GARIN4: variants seen among roughly 807,000 people sequenced by gnomAD.
GARIN4 encodes golgi associated RAB2 interactor family member 4.
At chr1:212,626,202 C>G in the GARIN4 span, 1 of 1,614,038 alleles carries the variant, frequency 6.2e-7, no homozygotes, top group Non-Finnish European at 8.5e-7. Flanking sequence ...CGCCGCAGGA[C>G]AGGTGAAAGC....
At chr1:212,625,956 T>C in the GARIN4 span, 1 of 1,614,198 alleles carries the variant, frequency 6.2e-7, no homozygotes, top group Non-Finnish European at 8.5e-7. Flanking sequence ...AGCGCATCCA[T>C]GAGCCTTTCC....
the GARIN4 span, chr1:212,624,582 G>A: frequency 3.4e-6 from 1 of 290,060 alleles, no homozygotes; most frequent in Non-Finnish European, 6.4e-6. Flanking sequence ...CAGGGGGTTA[G>A]GTCCAGAAGA....
the GARIN4 span, chr1:212,624,667 C>A: frequency 1.5e-5 from 12 of 825,782 alleles, no homozygotes; most frequent in South Asian, 1.6e-4. Flanking sequence ...CAGCACCCCC[C>A]ACAGCAATCA....
chr1:212,624,926 A>G, the GARIN4 span: 1 of 1,613,198 alleles, frequency 6.2e-7, no homozygotes, highest in African/African-American at 1.3e-5. Flanking sequence ...GAGTGGCTCC[A>G]GCATGAGCAT....
At chr1:212,625,157 G>A in the GARIN4 span, 33 of 1,614,106 alleles carry the variant, frequency 2.0e-5, no homozygotes, top group Admixed American at 8.3e-5. Flanking sequence ...ACCGGCCACC[G>A]GCTGCGAAGA....
chr1:212,626,563 C>G, the GARIN4 span: 4 of 1,614,118 alleles, frequency 2.5e-6, no homozygotes, highest in East Asian at 8.9e-5. Flanking sequence ...GGAGCACCAA[C>G]GTGGCCATCG....
the GARIN4 span, chr1:212,625,068 A>G: frequency 1.2e-5 from 19 of 1,613,988 alleles, no homozygotes; most frequent in Non-Finnish European, 1.5e-5. Context: ...GATGTGCACA[A>G]CCGTGTCCGT....
the GARIN4 span, chr1:212,625,356 G>C: frequency 6.2e-7 from 1 of 1,614,216 alleles, no homozygotes. Flanking sequence ...CTTGACACAC[G>C]GGATGACCTC....
chr1:212,625,935 A>G, the GARIN4 span: 1 of 1,614,224 alleles, frequency 6.2e-7, no homozygotes. Context: ...AAGTCCTCAG[A>G]GCATGTTTCC....
chr1:212,625,580 TCTG>T, the GARIN4 span: 12 of 1,614,080 alleles, frequency 7.4e-6, no homozygotes, highest in Non-Finnish European at 1.0e-5. Context: ...TGGGGCCACC[TCTG>T]CTGCTTATGC....
the GARIN4 span, chr1:212,625,710 C>A: frequency 6.2e-7 from 1 of 1,613,568 alleles, no homozygotes; most frequent in African/African-American, 1.3e-5. Context: ...ATTAAAGAGG[C>A]AGCAGCAGCA....
At chr1:212,625,452 T>C in the GARIN4 span, 1 of 1,614,068 alleles carries the variant, frequency 6.2e-7, no homozygotes, top group Non-Finnish European at 8.5e-7. Context: ...GCTGAAGACA[T>C]GATGTGGATG....
At chr1:212,625,816 T>G in the GARIN4 span, 3 of 1,614,144 alleles carry the variant, frequency 1.9e-6, no homozygotes, top group Non-Finnish European at 2.5e-6. Flanking sequence ...CAGCCATAGC[T>G]GGGGCGGCCA....
chr1:212,625,496 G>A, the GARIN4 span: 1 of 1,614,200 alleles, frequency 6.2e-7, no homozygotes, highest in Non-Finnish European at 8.5e-7. Context: ...GAGCCTGGGA[G>A]CCGTGAACCT....
the GARIN4 span, chr1:212,626,238 T>C: frequency 6.2e-7 from 1 of 1,614,108 alleles, no homozygotes; most frequent in Non-Finnish European, 8.5e-7. Context: ...GGAGACAAGA[T>C]TGCCCAAAAG....
chr1:212,625,909 G>A, the GARIN4 span: 1 of 1,614,214 alleles, frequency 6.2e-7, no homozygotes, highest in Non-Finnish European at 8.5e-7. Context: ...AGGTGGCTGT[G>A]GCAGGGGCTG....
At chr1:212,624,697 C>G in the GARIN4 span, 3 of 1,228,858 alleles carry the variant, frequency 2.4e-6, no homozygotes, top group Non-Finnish European at 3.2e-6. Context: ...CCACCCCCAC[C>G]CCGGCCTCTG....
chr1:212,624,876 C>T, the GARIN4 span: 1 of 1,576,024 alleles, frequency 6.3e-7, no homozygotes, highest in Non-Finnish European at 8.6e-7. Context: ...TGAAAGACAA[C>T]CATGAATGCT....
At chr1:212,625,060 T>C in the GARIN4 span, 1 of 1,614,176 alleles carries the variant, frequency 6.2e-7, no homozygotes, top group East Asian at 2.2e-5. Flanking sequence ...AAGTGATTGA[T>C]GTGCACAACC....
Sources: allele counts gnomAD v4.1 joint callset, GRCh38; gene constraint gnomAD v4.1.1; transcripts MANE v1.5; gene names NCBI Gene and HGNC (gene_info 2026-07-23, HGNC 2026-07-21).